Variants in PPFIBP1 observed in about 807,000 individuals in gnomAD.
The protein encoded by PPFIBP1 is PPFIB scaffold protein 1.
PPFIBP1 carries 112 observed loss-of-function variants against 137.8 expected under a neutral mutation model. The ratio of observed to expected loss-of-function variants is 0.81; its 90% CI spans 0.70 to 0.95. The LOEUF (loss-of-function observed/expected upper bound fraction) is 0.95, where lower values mean the gene tolerates loss of function less well. Ranked by LOEUF, PPFIBP1 falls within the 40% of genes least tolerant of loss-of-function variation. PPFIBP1 has a pLI of 0.00. For synonymous variants in PPFIBP1, 378 were observed against 417.3 expected (o/e 0.91, Z 1.15); for missense variants, 1,083 against 1,196.6 (o/e 0.91, Z 1.40).
chr12:27,552,059 T>C (rs1278109782), intron 1 of PPFIBP1, among the ~76,000 whole-genome samples: 1 of 152,206 alleles, frequency 6.6e-6, no homozygotes, highest in Non-Finnish European at 1.5e-5. Context: ...CCAGATTTCT[T>C]GAGCTCTAAA....
chr12:27,622,220 C>T (rs2056406623), intron 2 of PPFIBP1, among the ~76,000 whole-genome samples: 1 of 152,176 alleles, frequency 6.6e-6, no homozygotes, highest in African/African-American at 2.4e-5. Context: ...CTGCAGTTTC[C>T]AATCAGAGTG....
At chr12:27,536,049 T>C (rs193038424) in intron 1 of PPFIBP1, among the ~76,000 whole-genome samples, 285 of 152,364 alleles carry the variant, frequency 1.9e-3, no homozygotes, top group South Asian at 1.9e-3. Context: ...AAGACATTTC[T>C]GTATGCAATC....
chr12:27,569,550 A>G lies in PPFIBP1; in HGVS notation c.-123-8602A>G, dbSNP rs1413004312. The stretch of plus-strand genomic sequence containing the variant: ...CTCAATCATTCCTGTGCATATATCT[A>G]CATTTTTTTGTTTGTTTGTTTTTGA... On this transcript the variant is annotated intron_variant, in intron 1 of 29. Coordinates refer to ENST00000228425, the MANE Select transcript of PPFIBP1 (RefSeq NM_003622.4). Among the ~76,000 whole-genome samples the G allele has an allele frequency of 2.6e-5, 4 of 151,742 alleles. 1 individual carries two copies. Among genetic ancestry groups the G allele is most frequent in the Non-Finnish European group, 5.9e-5 (4 of 67,868 alleles).
chr12:27,580,374 A>C (rs979812066), intron 2 of PPFIBP1, among the ~76,000 whole-genome samples: 1 of 152,236 alleles, frequency 6.6e-6, no homozygotes, highest in African/African-American at 2.4e-5. Context: ...ACCTTTCTGC[A>C]TTCAGATCAC....
At chr12:27,672,553 A>G (rs749718437) in intron 15 of PPFIBP1, 70 bp downstream of exon 15, 192 of 1,125,246 alleles carry the variant, frequency 1.7e-4, no homozygotes, top group Non-Finnish European at 2.4e-4. Flanking sequence ...TTATACTAAC[A>G]ATTACTAATA....
chr12:27,592,482 G>T, intron 2 of PPFIBP1: 1 of 1,114,566 alleles, frequency 9.0e-7, no homozygotes, highest in Non-Finnish European at 1.3e-6. Flanking sequence ...CTAATTCAAG[G>T]GTTTCTTGAG....
At chr12:27,556,953 C>T (rs2048747938) in intron 1 of PPFIBP1, among the ~76,000 whole-genome samples, 1 of 75,340 alleles carries the variant, frequency 1.3e-5, no homozygotes, top group Admixed American at 1.4e-4. Flanking sequence ...GACCCCACCC[C>T]TCAAAAAAAA....
At chr12:27,595,886 A>AAAATATATAT (rs2053201584) in intron 2 of PPFIBP1, among the ~76,000 whole-genome samples, 3 of 102,434 alleles carry the variant, frequency 2.9e-5, no homozygotes, top group African/African-American at 6.8e-5. Context: ...ACAACAACAA[A>AAAATATATAT]ATATATATAT....
At chr12:27,529,979 A>G (rs1369170209) in intron 1 of PPFIBP1, among the ~76,000 whole-genome samples, 2 of 152,144 alleles carry the variant, frequency 1.3e-5, no homozygotes, top group African/African-American at 4.8e-5. Flanking sequence ...ACTCTACACA[A>G]ATATTATCTT....
At chr12:27,647,151 G>GC (rs780202682) in intron 5 of PPFIBP1, among the ~76,000 whole-genome samples, 2 of 152,232 alleles carry the variant, frequency 1.3e-5, no homozygotes, top group East Asian at 3.9e-4. Flanking sequence ...ACAGGCACAT[G>GC]CCCCCACAGC....
chr12:27,642,700 G>T (rs1021439714), intron 4 of PPFIBP1, among the ~76,000 whole-genome samples: 2 of 152,108 alleles, frequency 1.3e-5, no homozygotes, highest in African/African-American at 4.8e-5. Flanking sequence ...CTGAGAGGGA[G>T]GAGTGGGAGG....
intron 1 of PPFIBP1, among the ~76,000 whole-genome samples, chr12:27,555,768 A>T (rs891351376): frequency 2.6e-5 from 4 of 152,190 alleles, no homozygotes; most frequent in African/African-American, 9.7e-5. Flanking sequence ...TTTGGGGGAA[A>T]AAGCCCCCAT....
chr12:27,549,346 C>T (rs1431737439), intron 1 of PPFIBP1: 2 of 152,206 alleles, frequency 1.3e-5, no homozygotes, highest in Admixed American at 1.3e-4. Context: ...ACTTCTCCAT[C>T]TTTCTAACAT....
chr12:27,613,696 C>T (rs1263507649), intron 2 of PPFIBP1, among the ~76,000 whole-genome samples: 1 of 140,848 alleles, frequency 7.1e-6, no homozygotes, highest in South Asian at 2.4e-4. Flanking sequence ...GAGCAAGACT[C>T]CATCTCAAAA....
chr12:27,585,554 T>G (rs903116340), intron 2 of PPFIBP1, among the ~76,000 whole-genome samples: 3 of 152,220 alleles, frequency 2.0e-5, no homozygotes, highest in Non-Finnish European at 4.4e-5. Context: ...TACAAGAAAC[T>G]GGGCCAGGGG....
chr12:27,529,520 C>A (rs1302944686), intron 1 of PPFIBP1, among the ~76,000 whole-genome samples: 1 of 152,138 alleles, frequency 6.6e-6, no homozygotes, highest in Non-Finnish European at 1.5e-5. Context: ...ATGGCAAAAC[C>A]CCGTCTCTAC....
chr12:27,553,059 TAGG>T (rs1946942416), intron 1 of PPFIBP1, among the ~76,000 whole-genome samples: 1 of 152,120 alleles, frequency 6.6e-6, no homozygotes, highest in Non-Finnish European at 1.5e-5. Flanking sequence ...CGCAGAGGCC[TAGG>T]AGAAGATTTA....
chr12:27,669,601 A>G lies in PPFIBP1; in HGVS notation c.1147-1830A>G, dbSNP rs528405059. On this transcript the variant is annotated intron_variant, in intron 13 of 29. Coordinates refer to ENST00000228425, the MANE Select transcript of PPFIBP1 (RefSeq NM_003622.4). ...AGATCAAGAAAATTGATCTGTTAGTATAGTTATATTTTCCCCATGATTAGG... is the reference window on the plus strand; with the variant it reads ...AGATCAAGAAAATTGATCTGTTAGTGTAGTTATATTTTCCCCATGATTAGG... Among the ~76,000 whole-genome samples, 8 of 152,308 alleles carry G rather than the reference A, an allele frequency of 5.3e-5. No individual in the cohort carries two copies. In the South Asian group the frequency reaches 8.3e-4, roughly 16 times the overall value.
intron 11 of PPFIBP1, among the ~76,000 whole-genome samples, chr12:27,663,317 G>A (rs2059662130): frequency 6.6e-6 from 1 of 152,212 alleles, no homozygotes; most frequent in African/African-American, 2.4e-5. Flanking sequence ...CGCTAGGGAG[G>A]CCATTTTCAT....
Sources: allele counts gnomAD v4.1 joint callset (sites outside exome capture counted in the v4.1 genomes callset), GRCh38; gene constraint gnomAD v4.1.1; transcripts MANE v1.5; gene names NCBI Gene and HGNC (gene_info 2026-07-23, HGNC 2026-07-21).